Variants in P4HA3 observed in about 807,000 individuals in gnomAD.
P4HA3 encodes prolyl 4-hydroxylase subunit alpha-3.
A neutral mutation model predicts 66.7 loss-of-function variants in P4HA3; 60 were observed. The ratio of observed to expected loss-of-function variants is 0.90; its 90% CI spans 0.73 to 1.12. P4HA3 has a LOEUF of 1.12. P4HA3 is among the 50% of genes most tolerant of loss of function. The pLI is 0.00. For missense variants in P4HA3, 683 were observed against 685.8 expected (o/e 1.00, Z 0.05); for synonymous variants, 263 against 274.6 (o/e 0.96, Z 0.42).
Position 74,251,799 on chromosome 11 carries a change from G to T in P4HA3, c.*1319-3798C>A, listed in dbSNP as rs931628031. The stretch of plus-strand genomic sequence containing the variant: ...CACTTGTAGGACTGTAAATATCTCT[G>T]CCTTACCCCTGCCTGGTTTGGTCAC... On this transcript the variant is annotated intron_variant and NMD_transcript_variant, in intron 15 of 15. Coordinates refer to the P4HA3 transcript ENST00000524388. The T allele has an allele frequency of 3.9e-6, 6 of 1,537,214 alleles. No individual in the cohort carries two copies. In the Admixed American group the frequency reaches 1.0e-4, roughly 26 times the overall value.
At chr11:74,305,393 G>A (rs943207558) in intron 1 of P4HA3, among the ~76,000 whole-genome samples, 3 of 151,974 alleles carry the variant, frequency 2.0e-5, no homozygotes, top group Admixed American at 1.3e-4. Flanking sequence ...CCTTCCAACC[G>A]ACCCTTAGTG....
downstream of P4HA3, among the ~76,000 whole-genome samples, chr11:74,266,012 C>T (rs1485882876): frequency 6.6e-6 from 1 of 151,998 alleles, no homozygotes; most frequent in Non-Finnish European, 1.5e-5. Flanking sequence ...GTCACGGAAG[C>T]TCTGTGAGGT....
intron 9 of P4HA3, among the ~76,000 whole-genome samples, chr11:74,276,394 C>T (rs1271728785): frequency 6.6e-6 from 1 of 151,676 alleles, no homozygotes; most frequent in Admixed American, 6.6e-5. Flanking sequence ...AGGACCTTGT[C>T]TCTACAAAAA....
At chr11:74,274,170 C>T (rs12279172) in intron 9 of P4HA3, among the ~76,000 whole-genome samples, 4,234 of 152,270 alleles carry the variant, frequency 0.028, 199 homozygotes, top group African/African-American at 0.096. Flanking sequence ...TCCCTGCTCT[C>T]ACCTCCAACC....
chr11:74,250,911 C>T, intron 15 of P4HA3: 1 of 1,509,718 alleles, frequency 6.6e-7, no homozygotes, highest in Non-Finnish European at 9.1e-7. Context: ...TAAGAGAGGG[C>T]TCTTTTAGTC....
intron 11 of P4HA3, among the ~76,000 whole-genome samples, chr11:74,269,019 G>A (rs1369730531): frequency 3.9e-5 from 6 of 152,156 alleles, no homozygotes; most frequent in Non-Finnish European, 7.3e-5. Context: ...ATTGATTATC[G>A]AATGCTCAGG....
In P4HA3 at chr11:74,273,544, C is replaced by T. The variant is rs1390316336; in HGVS notation, c.1398+1G>A. On this transcript the variant is annotated splice_donor_variant, in intron 10 of 12. Transcript: ENST00000331597. LOFTEE classifies it high-confidence loss of function. ...AGTAAGAAGCCCAGAGCAATACTCA[C>T]ATAGATCATAAATGTTGCAACTCGG... 22 of 1,549,680 alleles carry T rather than the reference C, an allele frequency of 1.4e-5. No individual in the cohort carries two copies. The highest frequency in any genetic ancestry group is 1.8e-5 in the Non-Finnish European group (21 of 1,150,524).
At chr11:74,254,746 A>G (rs541752113) in intron 15 of P4HA3, 2 of 152,806 alleles carry the variant, frequency 1.3e-5, no homozygotes, top group East Asian at 3.9e-4. Flanking sequence ...ATTTCTGCTG[A>G]TATGGGGGCA....
chr11:74,257,460 C>G (rs1859848063), intron 15 of P4HA3, among the ~76,000 whole-genome samples: 1 of 152,020 alleles, frequency 6.6e-6, no homozygotes, highest in African/African-American at 2.4e-5. Context: ...TGAAGTATCA[C>G]AAAGTGGAGG....
rs1244457338 is a variant in P4HA3, at chr11:74,302,529, G to T, written c.407C>A (p.Ala136Glu). The change falls in exon 3 of 13, where the codon GCA (alanine) becomes GAA (glutamate). Residue 136 changes from alanine to glutamate, a missense_variant. Transcript: ENST00000331597. ...DLPAFEDLEGAARALMRLQDV... is the reference protein window; with the variant it reads ...DLPAFEDLEGEARALMRLQDV... ...CTGCAGCCGCATCAGGGCCCTTGCT[G>T]CTCCCTCAAGGTCCTCAAAGGCTGG... 1 of 1,614,200 alleles carries T rather than the reference G, an allele frequency of 6.2e-7. No homozygotes were observed. The highest frequency in any genetic ancestry group is 8.5e-7 in the Non-Finnish European group (1 of 1,180,044).
intron 3 of P4HA3, among the ~76,000 whole-genome samples, chr11:74,299,805 C>T (rs754313984): frequency 9.9e-5 from 15 of 152,000 alleles, no homozygotes; most frequent in Non-Finnish European, 1.3e-4. Flanking sequence ...CCTTGGTGTT[C>T]AGTAACCTTG....
At chr11:74,256,055 A>C in intron 15 of P4HA3, 1 of 458,376 alleles carries the variant, frequency 2.2e-6, no homozygotes, top group Non-Finnish European at 4.5e-6. Flanking sequence ...CACTTGACAC[A>C]CATCTCATTT....
intron 15 of P4HA3, chr11:74,253,825 C>G (rs1366226052): frequency 2.0e-6 from 1 of 506,920 alleles, no homozygotes; most frequent in Non-Finnish European, 3.5e-6. Context: ...TACTGAGCCC[C>G]TCTTCCTAGC....
intron 3 of P4HA3, among the ~76,000 whole-genome samples, chr11:74,299,838 T>A (rs1262263275): frequency 6.6e-6 from 1 of 152,082 alleles, no homozygotes; most frequent in African/African-American, 2.4e-5. Flanking sequence ...CATATGAGGA[T>A]AGAAGATGAG....
chr11:74,252,571 C>T, intron 15 of P4HA3: 1 of 454,058 alleles, frequency 2.2e-6, no homozygotes, highest in Non-Finnish European at 4.4e-6. Flanking sequence ...GGTTTTCAAC[C>T]TCAGCTTTAT....
rs778855458 is a variant in P4HA3, at chr11:74,268,289, G to A, written c.1468-48C>T. On this transcript the variant is annotated intron_variant, in intron 11 of 12. Coordinates refer to ENST00000331597, the MANE Select transcript of P4HA3 (RefSeq NM_182904.5). ...CAGGGAGGGTCAGCCCAGAACCTCAGTCCTCGGGAAGCACATACTAAGGAC... is the reference window on the plus strand; with the variant it reads ...CAGGGAGGGTCAGCCCAGAACCTCAATCCTCGGGAAGCACATACTAAGGAC... The A allele has an allele frequency of 4.0e-6, 6 of 1,484,172 alleles. No individual in the cohort carries two copies. The South Asian group carries it at 6.8e-5, about 17-fold the overall frequency. 91.9% of individuals were successfully genotyped at this position (1,484,172 alleles called of 1,614,324 possible). A position where few individuals can be genotyped will look rare whatever the true frequency, so the allele number is the denominator to read the frequency against.
At chr11:74,279,094 T>A (rs574361048) in intron 8 of P4HA3, among the ~76,000 whole-genome samples, 8 of 152,238 alleles carry the variant, frequency 5.3e-5, no homozygotes, top group Non-Finnish European at 1.0e-4. Context: ...GACTGTATCT[T>A]CTGGAAAAGC....
At chr11:74,270,146 G>T (rs575674430) in intron 10 of P4HA3, among the ~76,000 whole-genome samples, 24 of 152,194 alleles carry the variant, frequency 1.6e-4, no homozygotes, top group African/African-American at 4.8e-4. Flanking sequence ...GATAGCTTCT[G>T]ATCTTCTCTA....
intron 9 of P4HA3, 52 bp from the exon 10 acceptor site, chr11:74,273,659 G>T: frequency 7.1e-7 from 1 of 1,406,544 alleles, no homozygotes; most frequent in Non-Finnish European, 9.5e-7. Context: ...GCACCAGAGG[G>T]ACAGGCAGGA....
Sources: allele counts gnomAD v4.1 joint callset (sites outside exome capture counted in the v4.1 genomes callset), GRCh38; gene constraint gnomAD v4.1.1; transcripts MANE v1.5; gene names NCBI Gene and HGNC (gene_info 2026-07-23, HGNC 2026-07-21).